Variants in CHIC1 observed in about 807,000 individuals in gnomAD.
CHIC1 encodes the protein cysteine-rich hydrophobic domain-containing protein 1.
Under a neutral mutation model 18.5 loss-of-function variants are expected in CHIC1, and 7 were observed. The ratio of observed to expected loss-of-function variants is 0.38; its 90% CI spans 0.22 to 0.71. The LOEUF (loss-of-function observed/expected upper bound fraction) is 0.71, where lower values mean the gene tolerates loss of function less well. CHIC1 is among the 30% of genes least tolerant of loss of function. The pLI, the probability that CHIC1 is intolerant of heterozygous loss-of-function variation, is 0.49. For missense variants in CHIC1, 159 were observed against 176.9 expected (o/e 0.90, Z 0.57); for synonymous variants, 77 against 73.5 (o/e 1.05, Z -0.25).
chrX:73,658,585 A>G (rs2057963728), intron 3 of CHIC1, among the ~76,000 whole-genome samples: 1 of 108,056 alleles, frequency 9.3e-6, no homozygotes, highest in Non-Finnish European at 1.9e-5. Flanking sequence ...AAAAAAATCC[A>G]TCTCCTGGAT....
At chrX:73,622,012 A>G (rs954240402) in intron 3 of CHIC1, among the ~76,000 whole-genome samples, 2 of 112,239 alleles carry the variant, frequency 1.8e-5, no homozygotes, top group Non-Finnish European at 3.8e-5. Context: ...TGATTTGCAT[A>G]TGCTGAACCA....
At chrX:73,602,871 C>G (rs1402214066) in intron 3 of CHIC1, among the ~76,000 whole-genome samples, 2 of 108,745 alleles carry the variant, frequency 1.8e-5, no homozygotes, top group Non-Finnish European at 1.9e-5. Flanking sequence ...TTCCATTGAT[C>G]TATATATCTG....
intron 3 of CHIC1, among the ~76,000 whole-genome samples, chrX:73,631,652 T>A (rs1237891032): frequency 1.8e-5 from 2 of 111,469 alleles, no homozygotes; most frequent in Non-Finnish European, 3.8e-5. Context: ...TTATTTGATA[T>A]CTTTTTTAAT....
At chrX:73,588,586 G>A (rs2057565044) in intron 3 of CHIC1, among the ~76,000 whole-genome samples, 1 of 110,932 alleles carries the variant, frequency 9.0e-6, no homozygotes, top group African/African-American at 3.3e-5. Flanking sequence ...CCCTCAGGAA[G>A]TTAAAAAGTG....
At chrX:73,660,910 C>T (rs751805326) in intron 3 of CHIC1, among the ~76,000 whole-genome samples, 1 of 112,290 alleles carries the variant, frequency 8.9e-6, no homozygotes, top group East Asian at 2.8e-4. Flanking sequence ...TGCTTTTCTA[C>T]AGCTGATTGA....
chrX:73,598,325 TTC>T (rs1429707522), intron 3 of CHIC1, among the ~76,000 whole-genome samples: 7 of 74,148 alleles, frequency 9.4e-5, no homozygotes, highest in Admixed American at 7.7e-4. Flanking sequence ...TGGTTTGCAT[TTC>T]TCTTTTTTTT....
At position 73,645,105 on chromosome X, in the gene CHIC1, A is replaced by G. The variant is rs150360754; in HGVS notation, c.508-34221A>G. 7.2e-3 allele frequency among the ~76,000 whole-genome samples: 805 copies of G among 112,485 alleles called. 8 individuals are homozygous for G. The highest frequency in any genetic ancestry group is 0.025 in the African/African-American group (772 of 30,986). ...AGACCAGAGCTGTTCCTATTCGGCC[A>G]TCTTGGCTCCGGAAGCTGAGATCAA... is the stretch of plus-strand genomic sequence containing the variant. On this transcript the variant is annotated intron_variant, in intron 3 of 5. Coordinates refer to ENST00000373502, the MANE Select transcript of CHIC1 (RefSeq NM_001039840.4).
chrX:73,614,095 G>T (rs1448284735), intron 3 of CHIC1, among the ~76,000 whole-genome samples: 1 of 111,615 alleles, frequency 9.0e-6, no homozygotes, highest in African/African-American at 3.3e-5. Flanking sequence ...ATCTGGAAAA[G>T]ACTTTTATTT....
chrX:73,643,006 C>T (rs1438777223), intron 3 of CHIC1, among the ~76,000 whole-genome samples: 3 of 111,360 alleles, frequency 2.7e-5, no homozygotes, highest in East Asian at 5.6e-4. Flanking sequence ...CGTTGCAGGC[C>T]GGTTGTTCCT....
chrX:73,634,059 CTTTAT>C (rs1045207313), intron 3 of CHIC1, among the ~76,000 whole-genome samples: 9 of 111,828 alleles, frequency 8.0e-5, no homozygotes, highest in African/African-American at 1.3e-4. Context: ...TTCACTGGAA[CTTTAT>C]TTTATTATTT....
At chrX:73,631,728 A>G (rs1380324762) in intron 3 of CHIC1, among the ~76,000 whole-genome samples, 1 of 111,761 alleles carries the variant, frequency 8.9e-6, no homozygotes, top group Non-Finnish European at 1.9e-5. Flanking sequence ...AAGTTGTGAT[A>G]TGTTTTGTTT....
intron 5 of CHIC1, among the ~76,000 whole-genome samples, chrX:73,679,937 A>G (rs1250994524): frequency 8.9e-6 from 1 of 111,796 alleles, no homozygotes; most frequent in Non-Finnish European, 1.9e-5. Context: ...TTAGTATGCT[A>G]AAATGAAAAC....
At chrX:73,565,384 A>C (rs2147533602) in intron 1 of CHIC1, among the ~76,000 whole-genome samples, 1 of 112,090 alleles carries the variant, frequency 8.9e-6, no homozygotes, top group Non-Finnish European at 1.9e-5. Context: ...GTACTTACCA[A>C]CCTATTTGCT....
chrX:73,654,955 A>G (rs1450497838), intron 3 of CHIC1, among the ~76,000 whole-genome samples: 1 of 110,764 alleles, frequency 9.0e-6, no homozygotes, highest in African/African-American at 3.3e-5. Context: ...GGTTTGTTAC[A>G]TAGGTAAATG....
At chrX:73,577,565 A>G (rs938066775) in intron 2 of CHIC1, 104 bp downstream of exon 2, 1 of 608,039 alleles carries the variant, frequency 1.6e-6, no homozygotes, top group African/African-American at 2.2e-5. Context: ...AAGTCAAGTA[A>G]TAGGAGGCCT....
At chrX:73,581,912 CA>C (rs2057529525) in intron 2 of CHIC1, among the ~76,000 whole-genome samples, 1 of 110,530 alleles carries the variant, frequency 9.0e-6, no homozygotes, top group South Asian at 3.7e-4. Flanking sequence ...TTATATACCT[CA>C]ACATACAATT....
chrX:73,593,361 T>G (rs888048544), intron 3 of CHIC1, among the ~76,000 whole-genome samples: 29 of 111,787 alleles, frequency 2.6e-4, no homozygotes, highest in African/African-American at 9.4e-4. Flanking sequence ...TTCATGCTGC[T>G]TTTGCTGCAT....
At chrX:73,605,285 T>C (rs1416051148) in intron 3 of CHIC1, among the ~76,000 whole-genome samples, 1 of 108,369 alleles carries the variant, frequency 9.2e-6, no homozygotes, top group African/African-American at 3.6e-5. Flanking sequence ...TCTTTGTCAG[T>C]TTAAAGTCTG....
At chrX:73,602,262 A>T (rs192919251) in intron 3 of CHIC1, among the ~76,000 whole-genome samples, 13 of 109,368 alleles carry the variant, frequency 1.2e-4, no homozygotes. Context: ...CTGTTTCTCT[A>T]ATGACCAGTG....
Sources: allele counts gnomAD v4.1 joint callset (sites outside exome capture counted in the v4.1 genomes callset), GRCh38; gene constraint gnomAD v4.1.1; transcripts MANE v1.5; gene names NCBI Gene and HGNC (gene_info 2026-07-23, HGNC 2026-07-21).